Variants in VTI1A observed in about 807,000 individuals in gnomAD.
VTI1A encodes the protein vesicle transport through interaction with t-SNAREs homolog 1A.
Under a neutral mutation model 34.9 loss-of-function variants are expected in VTI1A, and 22 were observed. The observed-to-expected ratio is 0.63, with a 90% CI of 0.45 to 0.90. The LOEUF is 0.90. Among genes scored for constraint, VTI1A ranks in the 40% least tolerant of loss-of-function variants. VTI1A has a pLI of 0.00. For synonymous variants in VTI1A, 87 were observed against 97.3 expected (o/e 0.89, Z 0.62); for missense variants, 268 against 275.6 (o/e 0.97, Z 0.20).
intron 7 of VTI1A, among the ~76,000 whole-genome samples, chr10:112,770,806 A>C (rs1590169789): frequency 6.6e-6 from 1 of 152,136 alleles, no homozygotes; most frequent in South Asian, 2.1e-4. Flanking sequence ...CTCACCCAGT[A>C]GGTTTCTTCC....
chr10:112,733,125 C>T (rs182907118), intron 7 of VTI1A, among the ~76,000 whole-genome samples: 4 of 152,174 alleles, frequency 2.6e-5, no homozygotes, highest in African/African-American at 7.2e-5. Context: ...ATTCCTGGCA[C>T]GTTCAGCTCT....
At chr10:112,783,054 A>C (rs544954095) in intron 7 of VTI1A, among the ~76,000 whole-genome samples, 1 of 152,232 alleles carries the variant, frequency 6.6e-6, no homozygotes, top group East Asian at 1.9e-4. Context: ...CCTGGGACCC[A>C]GAAACAGTCA....
intron 3 of VTI1A, among the ~76,000 whole-genome samples, chr10:112,468,537 T>A (rs1847976820): frequency 6.6e-6 from 1 of 152,122 alleles, no homozygotes; most frequent in African/African-American, 2.4e-5. Context: ...CAGGGGAGCA[T>A]TTATGCCCAT....
At chr10:112,607,960 A>G (rs1845149043) in intron 5 of VTI1A, among the ~76,000 whole-genome samples, 1 of 152,180 alleles carries the variant, frequency 6.6e-6, no homozygotes. Context: ...AAGCCTTAGC[A>G]TCTTTTATAA....
chr10:112,447,544 A>G, intron 1 of VTI1A, 77 bp downstream of exon 1: 1 of 1,519,718 alleles, frequency 6.6e-7, no homozygotes, highest in South Asian at 1.2e-5. Flanking sequence ...CGCCCGAGTA[A>G]GTGTGTCTAT....
chr10:112,641,405 C>T (rs546755611), intron 5 of VTI1A, among the ~76,000 whole-genome samples: 4 of 152,238 alleles, frequency 2.6e-5, no homozygotes, highest in African/African-American at 9.6e-5. Flanking sequence ...GACCTTTCCC[C>T]ACTCGCCGCG....
At chr10:112,797,613 G>A (rs1671583151) in intron 7 of VTI1A, among the ~76,000 whole-genome samples, 1 of 152,128 alleles carries the variant, frequency 6.6e-6, no homozygotes. Flanking sequence ...CATATTCCAA[G>A]TATGATATGA....
Position 112,638,534 on chromosome 10 carries a change from G to C in VTI1A, c.428-29684G>C, listed in dbSNP as rs79493532. Among the ~76,000 whole-genome samples the C allele has an allele frequency of 4.1e-3, 618 of 152,154 alleles. 6 individuals carry two copies. The highest frequency in any genetic ancestry group is 0.014 in the African/African-American group (594 of 41,524). The stretch of plus-strand genomic sequence containing the variant: ...CTAAGTATTTGGTGGCAAGAGGAAA[G>C]ATTAATTAAAAGTACCAAAGATCAA... On this transcript the variant is annotated intron_variant, in intron 5 of 7. Transcript: ENST00000393077.
At chr10:112,593,033 A>T (rs1331048243) in intron 5 of VTI1A, among the ~76,000 whole-genome samples, 5 of 152,240 alleles carry the variant, frequency 3.3e-5, no homozygotes, top group Admixed American at 3.3e-4. Flanking sequence ...ACTTTCAAAT[A>T]GATACTAAAA....
intron 7 of VTI1A, among the ~76,000 whole-genome samples, chr10:112,681,203 T>C (rs1848203737): frequency 1.3e-5 from 2 of 151,692 alleles, no homozygotes; most frequent in Admixed American, 1.3e-4. Context: ...CACCTTAGCC[T>C]CCCAAGTAGC....
In VTI1A at chr10:112,752,483, G is replaced by C. The variant is rs192411931; in HGVS notation, c.561-62807G>C. 8.9e-5 allele frequency: 88 copies of C among 985,430 alleles called. No individual in the cohort carries two copies. The African/African-American group carries it at 1.4e-3, about 15-fold the overall frequency. 61.0% of individuals were successfully genotyped at this position (985,430 alleles called of 1,614,324 possible). ...AGATTTCACCCACTGCATTTCTGTT[G>C]CTCAAACTTTTTGACCTTTGTGCTA... On this transcript the variant is annotated intron_variant, in intron 7 of 7. Transcript: ENST00000393077.
intron 5 of VTI1A, among the ~76,000 whole-genome samples, chr10:112,588,302 AG>A (rs1305767784): frequency 2.0e-5 from 3 of 152,278 alleles, no homozygotes; most frequent in Non-Finnish European, 4.4e-5. Flanking sequence ...ACCATTATGA[AG>A]TTTTTTTTTC....
At chr10:112,582,005 T>C (rs1843965927) in intron 5 of VTI1A, among the ~76,000 whole-genome samples, 1 of 152,232 alleles carries the variant, frequency 6.6e-6, no homozygotes, top group Non-Finnish European at 1.5e-5. Context: ...TCTGTCTTGA[T>C]GCTAATTTCT....
At chr10:112,797,099 G>A (rs1369266123) in intron 7 of VTI1A, among the ~76,000 whole-genome samples, 1 of 152,138 alleles carries the variant, frequency 6.6e-6, no homozygotes, top group Non-Finnish European at 1.5e-5. Flanking sequence ...TCACTGGAAA[G>A]GGGAACCAAA....
intron 5 of VTI1A, among the ~76,000 whole-genome samples, chr10:112,636,728 C>CAAAAA (rs10667914): frequency 2.7e-5 from 3 of 111,664 alleles, no homozygotes; most frequent in South Asian, 3.4e-4. Context: ...GACTCGATCT[C>CAAAAA]AAAAAAAAAA....
intron 5 of VTI1A, 102 bp from the exon 6 acceptor site, chr10:112,668,116 A>G: frequency 3.7e-6 from 3 of 815,480 alleles, no homozygotes; most frequent in Non-Finnish European, 6.2e-6. Context: ...TGTATAATGC[A>G]TGCATGCAAC....
At chr10:112,665,369 A>G (rs1405201411) in intron 5 of VTI1A, among the ~76,000 whole-genome samples, 7 of 151,886 alleles carry the variant, frequency 4.6e-5, no homozygotes, top group African/African-American at 1.7e-4. Context: ...AATAGTAATC[A>G]TTGTGATATA....
intron 7 of VTI1A, among the ~76,000 whole-genome samples, chr10:112,787,993 G>A (rs151068758): frequency 2.5e-4 from 38 of 151,598 alleles, no homozygotes; most frequent in East Asian, 3.9e-4. Flanking sequence ...GAGCCACCGC[G>A]CCTGGCCACC....
At chr10:112,850,411 G>A in the VTI1A span, among the ~76,000 whole-genome samples, 1 of 151,046 alleles carries the variant, frequency 6.6e-6, no homozygotes, top group Non-Finnish European at 1.5e-5. Flanking sequence ...AGAACAAAGT[G>A]AAATTAGGTT....
Sources: gnomAD v4.1 joint callset for allele counts (sites outside exome capture counted in the v4.1 genomes callset) on GRCh38, gnomAD v4.1.1 for gene constraint, MANE v1.5 for transcripts, NCBI Gene and HGNC (gene_info 2026-07-23, HGNC 2026-07-21) for gene names.